TXNRD1: variants seen among roughly 807,000 people sequenced by gnomAD.
TXNRD1 encodes thioredoxin reductase 1, cytoplasmic.
A neutral mutation model predicts 80.3 loss-of-function variants in TXNRD1; 57 were observed. The ratio of observed to expected loss-of-function variants is 0.71; its 90% confidence interval spans 0.57 to 0.89. TXNRD1 has a LOEUF of 0.89. Ranked by LOEUF, TXNRD1 falls within the 40% of genes least tolerant of loss-of-function variation. TXNRD1 has a pLI of 0.00. For missense variants in TXNRD1, 730 were observed against 803.0 expected (o/e 0.91, Z 1.10); for synonymous variants, 291 against 285.2 (o/e 1.02, Z -0.20).
chr12:104,267,682 TTTCTTTCTTTCTTTCTTTCTCTC>T (rs2033546262), intron 3 of TXNRD1, among the ~76,000 whole-genome samples: 1 of 99,692 alleles, frequency 1.0e-5, no homozygotes, highest in Non-Finnish European at 1.9e-5. Context: ...TCTTTCTTTC[TTTCTTTCTTTCTTTCTTTCTCTC>T]TTTCTTTCTT....
intron 3 of TXNRD1, among the ~76,000 whole-genome samples, chr12:104,271,222 G>C: frequency 7.7e-6 from 1 of 130,398 alleles, no homozygotes; most frequent in East Asian, 2.3e-4. Context: ...GTCTCGCTCT[G>C]TCGCCCAGGC....
chr12:104,327,668 C>T lies in TXNRD1; in HGVS notation c.1539C>T (p.Val513=), dbSNP rs2035810348. 6.2e-7 allele frequency: 1 copy of T among 1,613,236 alleles called. No individual in the cohort carries two copies. The highest frequency in any genetic ancestry group is 8.5e-7 in the Non-Finnish European group (1 of 1,179,756). ...AGAGGCTCTATGCAGGTTCCACTGTCAAGGTGAGTGTTGTGCTTGTTGCCC... is the reference window on the plus strand; with the variant it reads ...AGAGGCTCTATGCAGGTTCCACTGTTAAGGTGAGTGTTGTGCTTGTTGCCC... ...LAQRLYAGST[V]KCDYENVPTT... Residue 513 remains valine (V), a synonymous_variant, in exon 13 of 17, where the codon GTC becomes GTT. Transcript: ENST00000525566.
intron 3 of TXNRD1, among the ~76,000 whole-genome samples, chr12:104,274,417 C>T (rs1041899612): frequency 4.8e-4 from 73 of 151,978 alleles, no homozygotes; most frequent in African/African-American, 1.7e-3. Flanking sequence ...AATAAGCTGC[C>T]GGGCACGGTG....
intron 4 of TXNRD1, among the ~76,000 whole-genome samples, chr12:104,292,023 C>A (rs1198677208): frequency 2.6e-5 from 4 of 152,228 alleles, no homozygotes; most frequent in Admixed American, 1.3e-4. Flanking sequence ...AGATTTCATA[C>A]TTTAATTGCA....
chr12:104,222,503 A>G (rs1234525304), intron 1 of TXNRD1, among the ~76,000 whole-genome samples: 1 of 152,240 alleles, frequency 6.6e-6, no homozygotes, highest in East Asian at 1.9e-4. Flanking sequence ...GAAATGATGA[A>G]TTGAATTTGC....
chr12:104,348,444 C>T lies in TXNRD1; in HGVS notation c.*23C>T. 1.2e-6 allele frequency: 2 copies of T among 1,612,620 alleles called. No individual in the cohort carries two copies. The highest frequency in any genetic ancestry group is 2.2e-5 in the East Asian group (1 of 44,872). ...TAAGCCCCAGTGTGGATGCTGTTGC[C>T]AAGACTGCAAACCACTGGCTCGTTT... On this transcript the variant is annotated 3_prime_UTR_variant, in exon 17 of 17. Coordinates refer to ENST00000525566, the MANE Select transcript of TXNRD1 (RefSeq NM_001093771.3).
At chr12:104,221,010 G>T (rs1206589934) in intron 1 of TXNRD1, among the ~76,000 whole-genome samples, 2 of 152,178 alleles carry the variant, frequency 1.3e-5, no homozygotes, top group African/African-American at 4.8e-5. Context: ...GCTCATGCCT[G>T]TATTCCTGGC....
At position 104,215,943 on chromosome 12, in the gene TXNRD1, G is replaced by A. The variant is rs1377615378; in HGVS notation, c.91+50G>A. 2.7e-6 allele frequency: 4 copies of A among 1,487,144 alleles called. No individual in the cohort carries two copies. The Admixed American group carries it at 6.1e-5, about 23-fold the overall frequency. The allele number at this position is 1,487,144 out of a possible 1,614,324, so 92.1% of individuals were successfully genotyped here. ...TCCCCAGGTCGACGGGCCGAAGCGG[G>A]CCTTCCGGCCGGGGTTGGGGATAAA... On this transcript the variant is annotated intron_variant, in intron 1 of 16. Transcript: ENST00000525566.
At chr12:104,259,562 G>A (rs1279181212) in intron 3 of TXNRD1, among the ~76,000 whole-genome samples, 6 of 147,168 alleles carry the variant, frequency 4.1e-5, no homozygotes, top group Non-Finnish European at 8.9e-5. Flanking sequence ...TGCGATCTCA[G>A]CTCACCGCAA....
intron 1 of TXNRD1, among the ~76,000 whole-genome samples, chr12:104,247,121 G>C (rs1302747775): frequency 6.6e-6 from 1 of 152,092 alleles, no homozygotes; most frequent in Non-Finnish European, 1.5e-5. Flanking sequence ...AGGCTGCAGT[G>C]CAATGGCGCA....
intron 3 of TXNRD1, among the ~76,000 whole-genome samples, chr12:104,267,284 C>CTTTCTTTCTTTCTTTCTTTCTTTCT (rs2033524577): frequency 2.2e-4 from 2 of 9,214 alleles, no homozygotes; most frequent in Admixed American, 1.0e-3. Context: ...TCTTTCTTTC[C>CTTTCTTTCTTTCTTTCTTTCTTTCT]TCTTTCTGTC....
rs904884160 is a variant in TXNRD1 at position 104,314,431 on chromosome 12, T to C, written c.610+1114T>C. Among the ~76,000 whole-genome samples, 185 of 152,216 alleles carry C rather than the reference T, an allele frequency of 1.2e-3. 1 individual carries two copies. The highest frequency in any genetic ancestry group is 4.3e-3 in the African/African-American group (180 of 41,464). ...TAATGTGTCAATCTGTGTCAGACAC[T>C]GCTCTTGGTACTAGGTATATCCCTT... On this transcript the variant is annotated intron_variant, in intron 6 of 16. Transcript: ENST00000525566.
chr12:104,293,032 T>C (rs1389100469), intron 4 of TXNRD1, among the ~76,000 whole-genome samples: 1 of 152,244 alleles, frequency 6.6e-6, no homozygotes, highest in Non-Finnish European at 1.5e-5. Flanking sequence ...TTAAGAACTA[T>C]GAATAGAGTT....
intron 15 of TXNRD1, among the ~76,000 whole-genome samples, chr12:104,334,545 C>G (rs1471106770): frequency 6.6e-6 from 1 of 152,056 alleles, no homozygotes; most frequent in African/African-American, 2.4e-5. Flanking sequence ...ACCACACTGG[C>G]TAATTTTTGT....
chr12:104,275,663 A>G (rs2033742677), intron 3 of TXNRD1, among the ~76,000 whole-genome samples: 1 of 152,182 alleles, frequency 6.6e-6, no homozygotes, highest in Admixed American at 6.5e-5. Context: ...GATTACAGGC[A>G]TGAGCCACTG....
intron 9 of TXNRD1, 66 bp from the exon 10 acceptor site, chr12:104,321,025 T>G: frequency 8.9e-7 from 1 of 1,119,698 alleles, no homozygotes; most frequent in Non-Finnish European, 1.3e-6. Flanking sequence ...TGTACTTGGA[T>G]TTAGTAATTA....
At chr12:104,230,202 G>C (rs2032584772) in intron 1 of TXNRD1, among the ~76,000 whole-genome samples, 1 of 151,478 alleles carries the variant, frequency 6.6e-6, no homozygotes, top group Non-Finnish European at 1.5e-5. Context: ...CTGAGTAGCT[G>C]GGACTACAGG....
intron 4 of TXNRD1, among the ~76,000 whole-genome samples, chr12:104,306,371 A>G (rs186193625): frequency 1.3e-5 from 2 of 152,364 alleles, no homozygotes; most frequent in Admixed American, 1.3e-4. Flanking sequence ...TCATTAAGAA[A>G]GTAACTTGAG....
At chr12:104,315,729 T>C in intron 6 of TXNRD1, 48 bp from the exon 7 acceptor site, 2 of 1,573,532 alleles carry the variant, frequency 1.3e-6, no homozygotes, top group Non-Finnish European at 8.7e-7. Context: ...TGAATGTTTG[T>C]AAGGCTTGGA....
Sources: gnomAD v4.1 joint callset for allele counts (sites outside exome capture counted in the v4.1 genomes callset) on GRCh38, gnomAD v4.1.1 for gene constraint, MANE v1.5 for transcripts, NCBI Gene and HGNC (gene_info 2026-07-23, HGNC 2026-07-21) for gene names.